Variants in CHST11 observed in about 807,000 individuals in gnomAD.
CHST11 encodes C4S-1.
A neutral mutation model predicts 30.4 loss-of-function variants in CHST11; 9 were observed. That is an observed-to-expected ratio of 0.30 (90% CI 0.18 to 0.52). The LOEUF is 0.52. CHST11 is among the 20% of genes least tolerant of loss of function. The probability of loss-of-function intolerance (pLI) is 0.97; values close to 1 mark genes in which losing one functional copy is unlikely to be tolerated. For missense variants in CHST11, 348 were observed against 460.6 expected, an observed-to-expected ratio of 0.76 and a Z score of 2.24; for synonymous variants, 152 against 187.8, an observed-to-expected ratio of 0.81 and a Z score of 1.56.
At chr12:104,540,730 C>CCATTACAA (rs1193516171) in intron 1 of CHST11, among the ~76,000 whole-genome samples, 15 of 149,182 alleles carry the variant, frequency 1.0e-4, no homozygotes, top group African/African-American at 3.7e-4. Flanking sequence ...GCCACGGCTC[C>CCATTACAA]AATCTCTCTA....
At chr12:104,466,948 T>C (rs2037465736) in intron 1 of CHST11, among the ~76,000 whole-genome samples, 1 of 152,224 alleles carries the variant, frequency 6.6e-6, no homozygotes. Flanking sequence ...AATGGAGAGC[T>C]AGTACTCAAG....
intron 1 of CHST11, among the ~76,000 whole-genome samples, chr12:104,489,892 T>G (rs2037728857): frequency 6.6e-6 from 1 of 152,164 alleles, no homozygotes; most frequent in Non-Finnish European, 1.5e-5. Flanking sequence ...GGGCCACTGA[T>G]CTCTCCATAT....
At chr12:104,646,225 C>G (rs1480026790) in intron 2 of CHST11, among the ~76,000 whole-genome samples, 1 of 152,196 alleles carries the variant, frequency 6.6e-6, no homozygotes, top group African/African-American at 2.4e-5. Context: ...CTCGCTTCCA[C>G]CCCACTTTCT....
At chr12:104,663,458 C>A (rs985865486) in intron 2 of CHST11, among the ~76,000 whole-genome samples, 8 of 152,082 alleles carry the variant, frequency 5.3e-5, no homozygotes, top group Non-Finnish European at 7.4e-5. Context: ...TCATTGCTAA[C>A]AATTTTGATA....
chr12:104,707,480 T>C (rs1043262281), intron 2 of CHST11, among the ~76,000 whole-genome samples: 1 of 152,250 alleles, frequency 6.6e-6, no homozygotes, highest in African/African-American at 2.4e-5. Context: ...TGATATACTT[T>C]ATTTCTCATG....
At chr12:104,716,401 A>T (rs978176873) in intron 2 of CHST11, among the ~76,000 whole-genome samples, 1 of 152,252 alleles carries the variant, frequency 6.6e-6, no homozygotes, top group Non-Finnish European at 1.5e-5. Flanking sequence ...CAGTTTCCTC[A>T]TCTGTGAAAT....
intron 2 of CHST11, among the ~76,000 whole-genome samples, chr12:104,646,871 C>G (rs2039438033): frequency 6.6e-6 from 1 of 152,206 alleles, no homozygotes; most frequent in African/African-American, 2.4e-5. Context: ...ATTCATTCCA[C>G]AGATAATCCC....
chr12:104,631,056 T>C (rs1372440292), intron 2 of CHST11, among the ~76,000 whole-genome samples: 1 of 152,154 alleles, frequency 6.6e-6, no homozygotes, highest in Non-Finnish European at 1.5e-5. Context: ...CCCCACGAAG[T>C]GTGCGTTTTG....
At chr12:104,622,336 A>G (rs933548804) in intron 2 of CHST11, among the ~76,000 whole-genome samples, 3 of 152,156 alleles carry the variant, frequency 2.0e-5, no homozygotes, top group African/African-American at 7.2e-5. Context: ...TAGTCAGTAC[A>G]TTTATTTTTT....
At chr12:104,495,282 G>A (rs76012284) in intron 1 of CHST11, among the ~76,000 whole-genome samples, 5,719 of 152,152 alleles carry the variant, frequency 0.038, 344 homozygotes, top group African/African-American at 0.13. Context: ...TGTGAACATA[G>A]GTGTGTAAAT....
chr12:104,710,684 G>A (rs61558853), intron 2 of CHST11, among the ~76,000 whole-genome samples: 21,735 of 152,136 alleles, frequency 0.14, 1,951 homozygotes, highest in African/African-American at 0.25. Context: ...GCCCCCAGAC[G>A]ATGAGTAAAC....
chr12:104,549,261 C>T (rs2038382545), intron 1 of CHST11, among the ~76,000 whole-genome samples: 1 of 152,154 alleles, frequency 6.6e-6, no homozygotes, highest in Admixed American at 6.6e-5. Flanking sequence ...TGCAAAGTTC[C>T]TTCATTATGG....
chr12:104,487,411 G>A (rs1011587847), intron 1 of CHST11, among the ~76,000 whole-genome samples: 1 of 152,256 alleles, frequency 6.6e-6, no homozygotes, highest in African/African-American at 2.4e-5. Flanking sequence ...ACAGGCACAT[G>A]CCACCACACC....
At chr12:104,664,385 G>T (rs1257550732) in intron 2 of CHST11, among the ~76,000 whole-genome samples, 2 of 152,144 alleles carry the variant, frequency 1.3e-5, no homozygotes, top group Non-Finnish European at 1.5e-5. Context: ...GAGACAGCAA[G>T]GCCTTTTTGT....
rs144523401 is a variant in CHST11 at position 104,758,372 on chromosome 12, G to A, written c.*569G>A. 5.3e-5 allele frequency: 8 copies of A among 152,186 alleles called. No individual in the cohort carries two copies. The East Asian group carries it at 1.3e-3, about 26-fold the overall frequency. The allele number at this position is 152,186 out of a possible 1,614,324, so 9.4% of individuals were successfully genotyped here. On this transcript the variant is annotated 3_prime_UTR_variant, in exon 3 of 3. Transcript: ENST00000303694. ...GACTCATTCCAAACCAATTCCAATCGACCTGAAAGTCCCTTGCACTAAAGA... is the reference window on the plus strand; with the variant it reads ...GACTCATTCCAAACCAATTCCAATCAACCTGAAAGTCCCTTGCACTAAAGA...
At chr12:104,742,731 C>CA (rs2040357130) in intron 2 of CHST11, among the ~76,000 whole-genome samples, 1 of 152,194 alleles carries the variant, frequency 6.6e-6, no homozygotes, top group South Asian at 2.1e-4. Context: ...CCGGGGGTAC[C>CA]ACACAGCCTC....
At chr12:104,558,404 A>G (rs887919893) in intron 1 of CHST11, among the ~76,000 whole-genome samples, 2 of 152,110 alleles carry the variant, frequency 1.3e-5, no homozygotes, top group African/African-American at 2.4e-5. Flanking sequence ...TATTCTCTGA[A>G]TGATGTTCAT....
chr12:104,738,893 G>A (rs2040324389), intron 2 of CHST11, among the ~76,000 whole-genome samples: 1 of 152,268 alleles, frequency 6.6e-6, no homozygotes, highest in South Asian at 2.1e-4. Flanking sequence ...GCCTCAGGCT[G>A]TGGCCTGTTT....
At chr12:104,472,067 TCTC>T (rs904212421) in intron 1 of CHST11, among the ~76,000 whole-genome samples, 2 of 152,068 alleles carry the variant, frequency 1.3e-5, no homozygotes, top group African/African-American at 4.8e-5. Flanking sequence ...CTCAAGGAAT[TCTC>T]CTCAGCCTCC....
Sources: gnomAD v4.1 joint callset for allele counts (sites outside exome capture counted in the v4.1 genomes callset) on GRCh38, gnomAD v4.1.1 for gene constraint, MANE v1.5 for transcripts, NCBI Gene and HGNC (gene_info 2026-07-23, HGNC 2026-07-21) for gene names.